LNX2: variants seen among roughly 807,000 people sequenced by gnomAD.
The protein encoded by LNX2 is ligand of Numb protein X 2.
Under a neutral mutation model 66.2 loss-of-function variants are expected in LNX2, and 35 were observed. That is an observed-to-expected ratio of 0.53 (90% confidence interval 0.40 to 0.70). The LOEUF (loss-of-function observed/expected upper bound fraction) is 0.70. LNX2 is among the 30% of genes least tolerant of loss of function. LNX2 has a pLI of 0.00. For missense variants in LNX2, 791 were observed against 850.8 expected (o/e 0.93, Z 0.87); for synonymous variants, 337 against 315.6 (o/e 1.07, Z -0.72).
intron 1 of LNX2, among the ~76,000 whole-genome samples, chr13:27,604,828 GTAT>G (rs36043910): frequency 0.1 from 15,441 of 148,450 alleles, 829 homozygotes; most frequent in Middle Eastern, 0.13. Context: ...CTATTGAATT[GTAT>G]TATTATTAAG....
chr13:27,557,037 T>G (rs1955070301), intron 6 of LNX2, among the ~76,000 whole-genome samples: 1 of 152,154 alleles, frequency 6.6e-6, no homozygotes, highest in South Asian at 2.1e-4. Flanking sequence ...TATCTCCTAT[T>G]TTTACTGACA....
intron 2 of LNX2, among the ~76,000 whole-genome samples, chr13:27,576,922 C>A (rs1955346502): frequency 6.6e-6 from 1 of 151,936 alleles, no homozygotes; most frequent in Admixed American, 6.6e-5. Context: ...AGATATGACA[C>A]CAAAAGCATA....
At chr13:27,560,645 C>G (rs1451669392) in intron 5 of LNX2, among the ~76,000 whole-genome samples, 1 of 149,342 alleles carries the variant, frequency 6.7e-6, no homozygotes, top group Non-Finnish European at 1.5e-5. Context: ...AGGTTCATGA[C>G]TGTCGTTTTA....
intron 1 of LNX2, among the ~76,000 whole-genome samples, chr13:27,614,579 C>T (rs1955807332): frequency 6.6e-6 from 1 of 152,122 alleles, no homozygotes; most frequent in African/African-American, 2.4e-5. Context: ...TTCTGTTCCG[C>T]AAGATCTATG....
chr13:27,614,000 A>G (rs1955801430), intron 1 of LNX2, among the ~76,000 whole-genome samples: 1 of 152,228 alleles, frequency 6.6e-6, no homozygotes, highest in East Asian at 1.9e-4. Context: ...CTTTGCAAAA[A>G]TTATATCAGT....
intron 7 of LNX2, 31 bp downstream of exon 7, chr13:27,556,205 T>C (rs764583268): frequency 2.5e-6 from 4 of 1,591,484 alleles, no homozygotes; most frequent in African/African-American, 1.3e-5. Context: ...AGAAATAAGA[T>C]GTGGTAAAAT....
At chr13:27,576,280 C>T (rs948975060) in intron 2 of LNX2, among the ~76,000 whole-genome samples, 2 of 152,134 alleles carry the variant, frequency 1.3e-5, no homozygotes, top group Non-Finnish European at 2.9e-5. Flanking sequence ...GACATGGAAC[C>T]AGAAAATAGA....
At chr13:27,559,062 G>A (rs1267372609) in intron 6 of LNX2, among the ~76,000 whole-genome samples, 3 of 152,060 alleles carry the variant, frequency 2.0e-5, no homozygotes, top group African/African-American at 4.8e-5. Context: ...TAACATCATT[G>A]TTTTAAAACT....
chr13:27,594,620 C>G (rs1310380234), intron 1 of LNX2, among the ~76,000 whole-genome samples: 3 of 152,044 alleles, frequency 2.0e-5, no homozygotes, highest in South Asian at 2.1e-4. Context: ...CTTTATTTTT[C>G]TCCCAGTTGT....
chr13:27,594,568 T>C (rs554798268), intron 1 of LNX2, among the ~76,000 whole-genome samples: 1 of 152,348 alleles, frequency 6.6e-6, no homozygotes, highest in African/African-American at 2.4e-5. Flanking sequence ...TTTTTTATTA[T>C]CACTTTATTC....
chr13:27,590,994 G>GTA (rs1429098758), intron 1 of LNX2, among the ~76,000 whole-genome samples: 1 of 151,764 alleles, frequency 6.6e-6, no homozygotes, highest in Non-Finnish European at 1.5e-5. Context: ...ATGTGTGTGT[G>GTA]TATATATATG....
At chr13:27,603,051 C>T (rs1226123162) in intron 1 of LNX2, among the ~76,000 whole-genome samples, 1 of 152,076 alleles carries the variant, frequency 6.6e-6, no homozygotes, top group Non-Finnish European at 1.5e-5. Context: ...ACTACACTTT[C>T]ATTCAGTGCC....
chr13:27,573,924 G>GA (rs58411252), intron 2 of LNX2, among the ~76,000 whole-genome samples: 4,891 of 131,370 alleles, frequency 0.037, 298 homozygotes, highest in African/African-American at 0.12. Context: ...CCATTCACAG[G>GA]AAAAAAAAAA....
chr13:27,551,268 C>A (rs1370014365), intron 8 of LNX2, among the ~76,000 whole-genome samples: 1 of 151,750 alleles, frequency 6.6e-6, no homozygotes, highest in Non-Finnish European at 1.5e-5. Context: ...CAGAGCAAGA[C>A]CCCATCTTTA....
intron 2 of LNX2, among the ~76,000 whole-genome samples, chr13:27,580,809 A>C (rs866788524): frequency 6.6e-6 from 1 of 152,190 alleles, no homozygotes; most frequent in African/African-American, 2.4e-5. Flanking sequence ...GTTTATGTGC[A>C]TAGTATTTTT....
intron 1 of LNX2, among the ~76,000 whole-genome samples, chr13:27,595,656 C>T (rs986921877): frequency 6.6e-5 from 10 of 152,208 alleles, no homozygotes; most frequent in African/African-American, 2.2e-4. Flanking sequence ...AAGATTCTAT[C>T]ATATCTGTCT....
rs1227667311 is a variant in LNX2, at chr13:27,583,255, T to TGCGCGCGCGCGCGCGCGCGCGC, written c.-100-1453_-100-1452insGCGCGCGCGCGCGCGCGCGCGC. On this transcript the variant is annotated intron_variant, in intron 1 of 9. Coordinates refer to ENST00000316334, the MANE Select transcript of LNX2 (RefSeq NM_153371.4). ...GTGTGTGTGTGTGTGTGTGTGTGTG[T>TGCGCGCGCGCGCGCGCGCGCGC]GCGCGCGTCCTCTCCAACATACTTA... Among the ~76,000 whole-genome samples, 16 of 58,528 alleles carry TGCGCGCGCGCGCGCGCGCGCGC rather than the reference T, an allele frequency of 2.7e-4. 3 individuals are homozygous for TGCGCGCGCGCGCGCGCGCGCGC. Among genetic ancestry groups the TGCGCGCGCGCGCGCGCGCGCGC allele is most frequent in the Admixed American group, 8.8e-4 (5 of 5,688 alleles). The allele number at this position is 58,528 out of a possible 152,430, so 38.4% of individuals were successfully genotyped here.
intron 2 of LNX2, among the ~76,000 whole-genome samples, chr13:27,578,673 C>T (rs1006070993): frequency 9.9e-5 from 15 of 152,182 alleles, no homozygotes; most frequent in South Asian, 6.2e-4. Flanking sequence ...GGCTGTCATG[C>T]TGGGAAGGCT....
At chr13:27,583,255 T>TGTGTGCGCGCGCGCGCGCGCGC (rs1555268514) in intron 1 of LNX2, among the ~76,000 whole-genome samples, 1 of 58,530 alleles carries the variant, frequency 1.7e-5, no homozygotes, top group Non-Finnish European at 3.2e-5. Context: ...TGTGTGTGTG[T>TGTGTGCGCGCGCGCGCGCGCGC]GCGCGCGTCC....
Sources: allele counts gnomAD v4.1 joint callset (sites outside exome capture counted in the v4.1 genomes callset), GRCh38; gene constraint gnomAD v4.1.1; transcripts MANE v1.5; gene names NCBI Gene and HGNC (gene_info 2026-07-23, HGNC 2026-07-21).